CTNNA3: variants seen among roughly 807,000 people sequenced by gnomAD.
CTNNA3 encodes the protein catenin alpha 3.
CTNNA3 carries 76 observed loss-of-function variants against 95.7 expected under a neutral mutation model. That is an observed-to-expected ratio of 0.79 (90% CI 0.66 to 0.96). The LOEUF (loss-of-function observed/expected upper bound fraction) is 0.96, where lower values mean the gene tolerates loss of function less well. Among genes scored for constraint, CTNNA3 ranks in the 40% least tolerant of loss-of-function variants. The pLI is 0.00. For missense variants in CTNNA3, 1,191 were observed against 1,089.8 expected, an observed-to-expected ratio of 1.09 and a Z score of -1.31; for synonymous variants, 431 against 374.4, an observed-to-expected ratio of 1.15 and a Z score of -1.74.
chr10:66,695,873 G>A (rs139216336), intron 9 of CTNNA3, among the ~76,000 whole-genome samples: 1 of 139,542 alleles, frequency 7.2e-6, no homozygotes, highest in East Asian at 2.5e-4. Flanking sequence ...CAAAACTAAT[G>A]GAGACAACTT....
chr10:67,060,717 C>A (rs1855709340), intron 7 of CTNNA3, among the ~76,000 whole-genome samples: 1 of 152,136 alleles, frequency 6.6e-6, no homozygotes, highest in Non-Finnish European at 1.5e-5. Context: ...GTCTAGGCAT[C>A]ATTCCAGATG....
At chr10:66,237,181 T>C (rs1365194566) in intron 13 of CTNNA3, among the ~76,000 whole-genome samples, 2 of 152,010 alleles carry the variant, frequency 1.3e-5, no homozygotes, top group East Asian at 1.9e-4. Context: ...ATATCCACAA[T>C]TATAAAAAAG....
At chr10:67,619,989 A>G (rs1287399996) in intron 2 of CTNNA3, among the ~76,000 whole-genome samples, 1 of 151,894 alleles carries the variant, frequency 6.6e-6, no homozygotes, top group Non-Finnish European at 1.5e-5. Context: ...AGAACATCCT[A>G]GATACCATGA....
At chr10:66,380,130 T>C (rs1426303490) in intron 11 of CTNNA3, among the ~76,000 whole-genome samples, 1 of 152,178 alleles carries the variant, frequency 6.6e-6, no homozygotes, top group Non-Finnish European at 1.5e-5. Flanking sequence ...ATCTCAGTAA[T>C]TCCAGAACAT....
chr10:67,737,430 C>T (rs1196931633), intron 1 of CTNNA3, among the ~76,000 whole-genome samples: 1 of 151,708 alleles, frequency 6.6e-6, no homozygotes, highest in Non-Finnish European at 1.5e-5. Flanking sequence ...TAACAATGCA[C>T]CCCAAAGAAC....
chr10:66,686,089 G>A (rs957125084), intron 9 of CTNNA3, among the ~76,000 whole-genome samples: 2 of 152,170 alleles, frequency 1.3e-5, no homozygotes, highest in African/African-American at 4.8e-5. Flanking sequence ...CGCCAATACA[G>A]GAATTGATTG....
intron 17 of CTNNA3, among the ~76,000 whole-genome samples, chr10:65,950,924 A>G (rs1013424562): frequency 6.0e-5 from 9 of 150,862 alleles, no homozygotes; most frequent in Non-Finnish European, 3.0e-5. Flanking sequence ...TTTTTTTTCT[A>G]TCTCTGTAAT....
chr10:67,679,965 C>T (rs773173811), intron 1 of CTNNA3, among the ~76,000 whole-genome samples: 40 of 152,106 alleles, frequency 2.6e-4, no homozygotes, highest in African/African-American at 9.4e-4. Flanking sequence ...CCTAAATGTG[C>T]ATTAATAAGG....
chr10:65,953,534 C>G (rs999212134), intron 17 of CTNNA3, among the ~76,000 whole-genome samples: 2 of 152,054 alleles, frequency 1.3e-5, no homozygotes, highest in Non-Finnish European at 1.5e-5. Flanking sequence ...ATCCCTCCCC[C>G]CTCCACCCAC....
intron 3 of CTNNA3, among the ~76,000 whole-genome samples, chr10:67,559,977 G>T (rs946330202): frequency 2.0e-5 from 3 of 152,118 alleles, no homozygotes; most frequent in African/African-American, 4.8e-5. Flanking sequence ...CCAAGAAATA[G>T]GGGACTATGT....
intron 1 of CTNNA3, among the ~76,000 whole-genome samples, chr10:67,747,153 G>A (rs527298543): frequency 6.6e-6 from 1 of 152,334 alleles, no homozygotes; most frequent in East Asian, 1.9e-4. Context: ...CCCCTAGTGG[G>A]TGGGGTGGCC....
intron 5 of CTNNA3, among the ~76,000 whole-genome samples, chr10:67,364,522 G>A (rs1170480372): frequency 2.0e-5 from 3 of 151,670 alleles, no homozygotes; most frequent in Non-Finnish European, 4.4e-5. Context: ...GGATACTTCA[G>A]CAAAGTCTCA....
chr10:66,832,414 A>C (rs1842752089), intron 7 of CTNNA3, among the ~76,000 whole-genome samples: 1 of 152,280 alleles, frequency 6.6e-6, no homozygotes, highest in Middle Eastern at 3.4e-3. Flanking sequence ...TTACGGGAAA[A>C]TTTGAAGTTC....
At chr10:66,032,049 G>C (rs2079458583) in intron 15 of CTNNA3, among the ~76,000 whole-genome samples, 1 of 152,122 alleles carries the variant, frequency 6.6e-6, no homozygotes, top group South Asian at 2.1e-4. Context: ...TTAAATCTAG[G>C]TAACTAAGAG....
chr10:67,446,263 T>C (rs1017165420), intron 5 of CTNNA3, among the ~76,000 whole-genome samples: 1 of 152,138 alleles, frequency 6.6e-6, no homozygotes, highest in Non-Finnish European at 1.5e-5. Context: ...TGTGCTCTCC[T>C]ACACTCCCAC....
chr10:66,535,358 C>A (rs1047285840), intron 10 of CTNNA3, among the ~76,000 whole-genome samples: 23 of 152,074 alleles, frequency 1.5e-4, no homozygotes, highest in Non-Finnish European at 2.4e-4. Flanking sequence ...GAGATAAATA[C>A]GGCTATGGTT....
intron 5 of CTNNA3, among the ~76,000 whole-genome samples, chr10:67,391,710 T>C (rs1289527929): frequency 5.4e-4 from 80 of 148,550 alleles, no homozygotes; most frequent in Middle Eastern, 6.8e-3. Flanking sequence ...AACAGAGATA[T>C]AGATCAATGG....
chr10:67,675,373 C>A (rs1476099544), intron 1 of CTNNA3, among the ~76,000 whole-genome samples: 3 of 152,068 alleles, frequency 2.0e-5, no homozygotes, highest in Non-Finnish European at 4.4e-5. Context: ...TTGGCTAATT[C>A]AGAATGGACC....
intron 17 of CTNNA3, among the ~76,000 whole-genome samples, chr10:65,937,753 T>C (rs1339348861): frequency 1.3e-5 from 2 of 152,172 alleles, no homozygotes; most frequent in Admixed American, 6.5e-5. Flanking sequence ...AAAACTCTAA[T>C]TGTACTTGAT....
Sources: gnomAD v4.1 joint callset for allele counts (sites outside exome capture counted in the v4.1 genomes callset) on GRCh38, gnomAD v4.1.1 for gene constraint, MANE v1.5 for transcripts, NCBI Gene and HGNC (gene_info 2026-07-23, HGNC 2026-07-21) for gene names.